The following PCDHGA4 variants were observed in gnomAD, a reference collection of about 807,000 sequenced individuals.
PCDHGA4 encodes protocadherin gamma subfamily A, 4.
Under a neutral mutation model 54.6 loss-of-function variants are expected in PCDHGA4, and 38 were observed. The observed-to-expected ratio is 0.70, with a 90% CI of 0.54 to 0.91. PCDHGA4 has a LOEUF of 0.91. PCDHGA4 is among the 40% of genes least tolerant of loss of function. The probability of loss-of-function intolerance (pLI) is 0.00; values close to 1 mark genes in which losing one functional copy is unlikely to be tolerated. For missense variants in PCDHGA4, 1,298 were observed against 1,220.9 expected (o/e 1.06, Z -0.94); for synonymous variants, 511 against 512.9 (o/e 1.00, Z 0.05).
At chr5:141,463,773 C>A (rs2099069188) in intron 1 of PCDHGA4, among the ~76,000 whole-genome samples, 1 of 152,088 alleles carries the variant, frequency 6.6e-6, no homozygotes, top group Non-Finnish European at 1.5e-5. Context: ...GGGTTAGAAT[C>A]CTGCACTGTC....
intron 1 of PCDHGA4, chr5:141,398,921 C>A: frequency 6.2e-7 from 1 of 1,613,962 alleles, no homozygotes; most frequent in African/African-American, 1.3e-5. Flanking sequence ...TTGCAAGTGT[C>A]AGCCACTGAC....
intron 1 of PCDHGA4, chr5:141,414,717 C>T: frequency 6.2e-7 from 1 of 1,614,152 alleles, no homozygotes; most frequent in Non-Finnish European, 8.5e-7. Flanking sequence ...TCAACTCAGA[C>T]ACTGGCGTCC....
intron 1 of PCDHGA4, among the ~76,000 whole-genome samples, chr5:141,461,148 A>G (rs1293565790): frequency 1.3e-5 from 2 of 152,090 alleles, no homozygotes; most frequent in Non-Finnish European, 2.9e-5. Context: ...CTTTGGGTAG[A>G]TACCCAATAG....
Position 141,502,485 on chromosome 5 carries a change from G to A in PCDHGA4, c.2574-2908G>A, listed in dbSNP as rs187600890. ...AATACTTCCCGCAGCATCACACTGG[G>A]ACTCATCTAACGTCGGCCTGTCCCA... On this transcript the variant is annotated intron_variant, in intron 2 of 3. Coordinates refer to ENST00000571252, the MANE Select transcript of PCDHGA4 (RefSeq NM_018917.4). 8.4e-3 allele frequency among the ~76,000 whole-genome samples: 1,276 copies of A among 152,270 alleles called. 22 individuals carry two copies. Among genetic ancestry groups the A allele is most frequent in the African/African-American group, 0.028 (1,151 of 41,542 alleles).
chr5:141,428,015 A>G, intron 1 of PCDHGA4: 5 of 1,604,042 alleles, frequency 3.1e-6, no homozygotes, highest in Non-Finnish European at 3.4e-6. Flanking sequence ...ATATAGTGCC[A>G]CGCGCCGCAG....
At chr5:141,376,832 G>T (rs1773425503) in intron 1 of PCDHGA4, 2 of 257,250 alleles carry the variant, frequency 7.8e-6, no homozygotes, top group Non-Finnish European at 1.5e-5. Context: ...GACTACAGGC[G>T]CCCGCCACCG....
chr5:141,361,669 G>A (rs536902009), intron 1 of PCDHGA4: 14 of 1,613,690 alleles, frequency 8.7e-6, no homozygotes, highest in Non-Finnish European at 1.2e-5. Flanking sequence ...CGCGCAGAGC[G>A]GGGTGGTGTT....
intron 1 of PCDHGA4, chr5:141,419,541 G>A: frequency 6.2e-7 from 1 of 1,612,076 alleles, no homozygotes; most frequent in Non-Finnish European, 8.5e-7. Context: ...AACGCACCGC[G>A]GGTGCTGTAC....
intron 1 of PCDHGA4, chr5:141,418,561 T>C: frequency 1.2e-6 from 2 of 1,614,006 alleles, no homozygotes; most frequent in Non-Finnish European, 1.7e-6. Context: ...TGGTAATAGA[T>C]GCCAATGACA....
chr5:141,422,744 T>C, intron 1 of PCDHGA4: 1 of 1,610,696 alleles, frequency 6.2e-7, no homozygotes, highest in Non-Finnish European at 8.5e-7. Flanking sequence ...TCCTCCTATG[T>C]CTCTATTAAC....
intron 1 of PCDHGA4, chr5:141,413,731 G>A (rs1008251304): frequency 6.2e-7 from 1 of 1,613,454 alleles, no homozygotes; most frequent in South Asian, 1.1e-5. Context: ...CTCCCTAAGA[G>A]TTCAGAGCCG....
At chr5:141,459,714 T>C (rs1240430980) in intron 1 of PCDHGA4, among the ~76,000 whole-genome samples, 4 of 152,244 alleles carry the variant, frequency 2.6e-5, no homozygotes, top group Admixed American at 6.5e-5. Flanking sequence ...TTCTCACCAA[T>C]GCTTCCTATT....
At chr5:141,398,199 G>A in intron 1 of PCDHGA4, 1 of 1,491,242 alleles carries the variant, frequency 6.7e-7, no homozygotes, top group South Asian at 1.3e-5. Flanking sequence ...TGCTGTCTTT[G>A]TTCTGCCCGG....
At chr5:141,461,408 CAT>C (rs1491314585) in intron 1 of PCDHGA4, among the ~76,000 whole-genome samples, 2 of 151,994 alleles carry the variant, frequency 1.3e-5, no homozygotes, top group South Asian at 2.1e-4. Flanking sequence ...AGCATTTTTT[CAT>C]ATGTTTGTGG....
chr5:141,399,660 C>T (rs988885728), intron 1 of PCDHGA4: 2 of 1,613,654 alleles, frequency 1.2e-6, no homozygotes, highest in East Asian at 2.2e-5. Context: ...GGGTGGTGTT[C>T]GCGCAGCGCG....
chr5:141,397,985 C>A (rs1034752721), intron 1 of PCDHGA4: 3 of 1,315,640 alleles, frequency 2.3e-6, no homozygotes, highest in Non-Finnish European at 2.1e-6. Context: ...GGCCTTTACA[C>A]CGCTTCCTCC....
chr5:141,392,629 T>C, intron 1 of PCDHGA4: 1 of 598,736 alleles, frequency 1.7e-6, no homozygotes, highest in East Asian at 3.0e-5. Flanking sequence ...AACACTCAGA[T>C]CTCACACCTC....
At chr5:141,365,589 T>C (rs779313790) in intron 1 of PCDHGA4, 12 of 1,613,518 alleles carry the variant, frequency 7.4e-6, no homozygotes, top group Middle Eastern at 1.6e-4. Flanking sequence ...GATTATAATA[T>C]CACTTTAACC....
chr5:141,410,628 T>G (rs758174899), intron 1 of PCDHGA4: 1 of 1,602,040 alleles, frequency 6.2e-7, no homozygotes, highest in South Asian at 1.1e-5. Context: ...TCGGTGAGTT[T>G]CTCTTTTTTG....
Sources: allele counts gnomAD v4.1 joint callset (sites outside exome capture counted in the v4.1 genomes callset), GRCh38; gene constraint gnomAD v4.1.1; transcripts MANE v1.5; gene names NCBI Gene and HGNC (gene_info 2026-07-23, HGNC 2026-07-21).